Variants in CCDC85A observed in about 807,000 individuals in gnomAD.
CCDC85A encodes coiled-coil domain containing 85A, also known as coiled-coil domain-containing protein 85A.
Under a neutral mutation model 50.2 loss-of-function variants are expected in CCDC85A, and 38 were observed. That is an observed-to-expected ratio of 0.76 (90% CI 0.58 to 0.99). The LOEUF (loss-of-function observed/expected upper bound fraction) is 0.99. Among genes scored for constraint, CCDC85A ranks in the 50% least tolerant of loss-of-function variants. CCDC85A has a pLI of 0.00. For synonymous variants in CCDC85A, 366 were observed against 301.4 expected, an observed-to-expected ratio of 1.21 and a Z score of -2.22; for missense variants, 820 against 742.0, an observed-to-expected ratio of 1.11 and a Z score of -1.22.
At chr2:56,375,019 G>A (rs1366850890) in intron 4 of CCDC85A, among the ~76,000 whole-genome samples, 1 of 152,130 alleles carries the variant, frequency 6.6e-6, no homozygotes, top group African/African-American at 2.4e-5. Context: ...AATAGATTTG[G>A]AAAATTCCCA....
chr2:56,290,601 A>T (rs756543800), intron 2 of CCDC85A, among the ~76,000 whole-genome samples: 1 of 152,228 alleles, frequency 6.6e-6, no homozygotes, highest in Admixed American at 6.5e-5. Flanking sequence ...GAAGAAGCAA[A>T]TAGTGTAGAT....
chr2:56,199,501 A>G (rs1676649755), intron 2 of CCDC85A, among the ~76,000 whole-genome samples: 1 of 152,132 alleles, frequency 6.6e-6, no homozygotes, highest in South Asian at 2.1e-4. Flanking sequence ...CTTAGGCTCT[A>G]CGACTTACTT....
intron 2 of CCDC85A, among the ~76,000 whole-genome samples, chr2:56,308,144 A>G (rs940810991): frequency 6.6e-6 from 1 of 152,162 alleles, no homozygotes; most frequent in Non-Finnish European, 1.5e-5. Flanking sequence ...CACTTCCTCA[A>G]ACTAGTTGTG....
intron 3 of CCDC85A, among the ~76,000 whole-genome samples, chr2:56,345,935 C>A (rs545221499): frequency 6.6e-6 from 1 of 152,144 alleles, no homozygotes; most frequent in Admixed American, 6.5e-5. Context: ...GTTTGCTATG[C>A]CTTGATCAGA....
intron 2 of CCDC85A, among the ~76,000 whole-genome samples, chr2:56,242,984 A>T (rs369332347): frequency 6.6e-6 from 1 of 151,994 alleles, no homozygotes; most frequent in African/African-American, 2.4e-5. Flanking sequence ...GTGGATATCC[A>T]GGTTTCCCAG....
At chr2:56,206,591 G>A (rs1206366536) in intron 2 of CCDC85A, among the ~76,000 whole-genome samples, 2 of 152,122 alleles carry the variant, frequency 1.3e-5, no homozygotes, top group Non-Finnish European at 2.9e-5. Context: ...CCACTATCTT[G>A]ATAACTAACC....
At chr2:56,262,523 G>A (rs1036483622) in intron 2 of CCDC85A, among the ~76,000 whole-genome samples, 4 of 152,140 alleles carry the variant, frequency 2.6e-5, no homozygotes, top group African/African-American at 9.7e-5. Context: ...TGTGACTCAA[G>A]TGTCCCCAGG....
chr2:56,262,518 C>T (rs940737968), intron 2 of CCDC85A, among the ~76,000 whole-genome samples: 36 of 152,126 alleles, frequency 2.4e-4, no homozygotes, highest in African/African-American at 8.7e-4. Flanking sequence ...GTTGGTGTGA[C>T]TCAAGTGTCC....
intron 2 of CCDC85A, among the ~76,000 whole-genome samples, chr2:56,265,772 A>G (rs1292876235): frequency 6.6e-6 from 1 of 152,114 alleles, no homozygotes; most frequent in Non-Finnish European, 1.5e-5. Flanking sequence ...TCACCCTTTG[A>G]TCCAGCAGTC....
chr2:56,384,058 A>G (rs895691251), intron 5 of CCDC85A, among the ~76,000 whole-genome samples: 1 of 151,806 alleles, frequency 6.6e-6, no homozygotes, highest in African/African-American at 2.4e-5. Context: ...GTTACTAACA[A>G]GGTTTAGTAG....
intron 2 of CCDC85A, among the ~76,000 whole-genome samples, chr2:56,212,971 T>G (rs1386335264): frequency 6.6e-6 from 1 of 152,050 alleles, no homozygotes; most frequent in Admixed American, 6.6e-5. Context: ...TCTGCCTAAT[T>G]TATATTTGTT....
intron 2 of CCDC85A, among the ~76,000 whole-genome samples, chr2:56,340,673 C>T (rs1000236728): frequency 2.6e-5 from 4 of 151,786 alleles, no homozygotes; most frequent in South Asian, 2.1e-4. Flanking sequence ...GTCGGGAGTT[C>T]GAGACCAGCC....
At chr2:56,224,333 A>G (rs1668454286) in intron 2 of CCDC85A, among the ~76,000 whole-genome samples, 1 of 152,234 alleles carries the variant, frequency 6.6e-6, no homozygotes, top group South Asian at 2.1e-4. Context: ...TATTGTATGC[A>G]TATACCGCAT....
At chr2:56,235,939 A>C (rs1668993603) in intron 2 of CCDC85A, among the ~76,000 whole-genome samples, 1 of 152,158 alleles carries the variant, frequency 6.6e-6, no homozygotes, top group Non-Finnish European at 1.5e-5. Context: ...GATCAGCTTC[A>C]AAAAGGGGGT....
chr2:56,290,128 A>C (rs1410502843), intron 2 of CCDC85A, among the ~76,000 whole-genome samples: 1 of 152,118 alleles, frequency 6.6e-6, no homozygotes, highest in African/African-American at 2.4e-5. Flanking sequence ...TTCTTGCATC[A>C]GTGCTGACAT....
intron 2 of CCDC85A, among the ~76,000 whole-genome samples, chr2:56,217,605 G>A (rs1299449725): frequency 6.6e-6 from 1 of 151,702 alleles, no homozygotes; most frequent in Non-Finnish European, 1.5e-5. Context: ...CATATATGTT[G>A]ATGTCATGTA....
At chr2:56,321,945 A>G (rs1447333507) in intron 2 of CCDC85A, among the ~76,000 whole-genome samples, 2 of 152,212 alleles carry the variant, frequency 1.3e-5, no homozygotes, top group African/African-American at 4.8e-5. Flanking sequence ...CAAAACAGAG[A>G]TATAGACCAA....
chr2:56,342,513 G>C (rs1394099824), intron 2 of CCDC85A, among the ~76,000 whole-genome samples: 1 of 152,028 alleles, frequency 6.6e-6, no homozygotes, highest in African/African-American at 2.4e-5. Flanking sequence ...CTTCTCTTAG[G>C]TTTATTTGTC....
At chr2:56,274,323 A>G in intron 2 of CCDC85A, among the ~76,000 whole-genome samples, 1 of 152,036 alleles carries the variant, frequency 6.6e-6, no homozygotes, top group East Asian at 1.9e-4. Context: ...ATAGTGAGAG[A>G]GTTTTGATTT....
Sources: gnomAD v4.1 joint callset for allele counts (sites outside exome capture counted in the v4.1 genomes callset) on GRCh38, gnomAD v4.1.1 for gene constraint, MANE v1.5 for transcripts, NCBI Gene and HGNC (gene_info 2026-07-23, HGNC 2026-07-21) for gene names.